THSD7A: variants seen among roughly 807,000 people sequenced by gnomAD.
The protein encoded by THSD7A is thrombospondin type-1 domain-containing protein 7A.
Under a neutral mutation model 231.3 loss-of-function variants are expected in THSD7A, and 96 were observed. The ratio of observed to expected loss-of-function variants is 0.41; its 90% CI spans 0.35 to 0.49. THSD7A has a LOEUF of 0.49. THSD7A is among the 20% of genes least tolerant of loss of function. The pLI is 0.05. For synonymous variants in THSD7A, 940 were observed against 743.3 expected (o/e 1.26, Z -4.30); for missense variants, 2,290 against 2,070.2 (o/e 1.11, Z -2.06).
Position 11,593,491 on chromosome 7 carries a change from T to C in THSD7A, c.1034A>G (p.Gln345Arg). Reference protein sequence around the residue: ...GKAADLSFCQQEKLPMTFQSC... With the variant: ...GKAADLSFCQREKLPMTFQSC... Reference sequence around the variant, plus strand: ...CTGGAAGGTCATTGGAAGCTTCTCTTGCTGGCAAAAGCTGTAAAAGAGCAT... The same window carrying C: ...CTGGAAGGTCATTGGAAGCTTCTCTCGCTGGCAAAAGCTGTAAAAGAGCAT... Residue 345 changes from glutamine (Q) to arginine (R), a missense_variant, in exon 3 of 28, where the codon CAA (glutamine) becomes CGA (arginine). Coordinates refer to ENST00000423059, the MANE Select transcript of THSD7A (RefSeq NM_015204.3). 1 of 1,613,872 alleles carries C rather than the reference T, an allele frequency of 6.2e-7. No individual in the cohort carries two copies. Among genetic ancestry groups the C allele is most frequent in the Non-Finnish European group, 8.5e-7 (1 of 1,179,784 alleles).
intron 1 of THSD7A, among the ~76,000 whole-genome samples, chr7:11,765,106 T>A (rs541982920): frequency 2.6e-4 from 40 of 152,274 alleles, no homozygotes; most frequent in African/African-American, 9.4e-4. Flanking sequence ...TGAAAATTCA[T>A]TTTTGAGAGA....
At chr7:11,654,315 G>C (rs1423541633) in intron 1 of THSD7A, among the ~76,000 whole-genome samples, 4 of 151,988 alleles carry the variant, frequency 2.6e-5, no homozygotes, top group African/African-American at 9.6e-5. Flanking sequence ...TCAATGTTGA[G>C]TATTTCTAAT....
intron 2 of THSD7A, among the ~76,000 whole-genome samples, chr7:11,602,233 G>T (rs1421958754): frequency 1.3e-5 from 2 of 151,956 alleles, no homozygotes; most frequent in South Asian, 2.1e-4. Flanking sequence ...ATTGCATAAA[G>T]AAAAATATGA....
rs374858892 is a variant in THSD7A, at chr7:11,449,633, T to A, written c.2606-2209A>T. On this transcript the variant is annotated intron_variant, in intron 11 of 27. Transcript: ENST00000423059. ...TACAGGGAATAGATAAAAAAGAACA[T>A]CCATATAGTTTAGAAGAACATCATC... 9.2e-5 allele frequency among the ~76,000 whole-genome samples: 14 copies of A among 152,002 alleles called. No individual in the cohort carries two copies. In the East Asian group the frequency reaches 1.6e-3, roughly 17 times the overall value.
chr7:11,486,924 T>G (rs1380691483), intron 6 of THSD7A, among the ~76,000 whole-genome samples: 2 of 152,188 alleles, frequency 1.3e-5, no homozygotes, highest in African/African-American at 4.8e-5. Flanking sequence ...GCATATACTA[T>G]TTAAACTTAT....
At chr7:11,496,555 C>T (rs58749252) in intron 6 of THSD7A, among the ~76,000 whole-genome samples, 14,133 of 152,078 alleles carry the variant, frequency 0.093, 743 homozygotes, top group African/African-American at 0.14. Context: ...GCCAAATTAT[C>T]GTTACAGAGA....
At chr7:11,697,564 C>G (rs1383374604) in intron 1 of THSD7A, among the ~76,000 whole-genome samples, 1 of 151,008 alleles carries the variant, frequency 6.6e-6, no homozygotes, top group African/African-American at 2.4e-5. Flanking sequence ...CATTTTATAT[C>G]AAGACCCAAG....
intron 2 of THSD7A, among the ~76,000 whole-genome samples, chr7:11,628,438 G>C (rs753288346): frequency 1.2e-4 from 18 of 152,064 alleles, no homozygotes; most frequent in Non-Finnish European, 2.4e-4. Context: ...CCTAGACCTG[G>C]TGCATGCCTT....
In THSD7A at chr7:11,412,748, G is replaced by C; in HGVS notation, c.3590C>G (p.Pro1197Arg). The C allele has an allele frequency of 6.2e-7, 1 of 1,613,594 alleles. No homozygotes were observed. Among genetic ancestry groups the C allele is most frequent in the Non-Finnish European group, 8.5e-7 (1 of 1,179,710 alleles). ...RQRSADPIRQ[P>R]ADEGRSCPNA... ...AGGGCAAGATCTTCCTTCATCAGCT[G>C]GTTGTCTGATGGGATCAGCTGACCT... Residue 1197 changes from proline to arginine, a missense_variant, in exon 18 of 28, where the codon CCA becomes CGA. Coordinates refer to ENST00000423059, the MANE Select transcript of THSD7A (RefSeq NM_015204.3).
intron 4 of THSD7A, among the ~76,000 whole-genome samples, chr7:11,559,542 T>A (rs1452873231): frequency 6.6e-6 from 1 of 151,374 alleles, no homozygotes; most frequent in African/African-American, 2.4e-5. Flanking sequence ...TATAAATCCA[T>A]ATATGTATAG....
Position 11,541,469 on chromosome 7 carries a change from T to G in THSD7A, c.1772A>C (p.Glu591Ala). The change falls in exon 6 of 28, where the codon GAG becomes GCG. Residue 591 changes from glutamate (E) to alanine (A), a missense_variant. Physicochemically the swap from Glu to Ala is moderately radical, Grantham distance 107. Transcript: ENST00000423059. The stretch of plus-strand genomic sequence containing the variant: ...TTGAACTTGCGTGCCTGGACCACAC[T>G]CCTTTCCGTTATCTGGCTCGCAGTT... ...LGNCEPDNGK[E>A]CGPGTQVQEV... 6.2e-7 allele frequency: 1 copy of G among 1,613,968 alleles called. No individual in the cohort carries two copies. Among genetic ancestry groups the G allele is most frequent in the South Asian group, 1.1e-5 (1 of 91,084 alleles).
chr7:11,746,583 A>C (rs1417232729), intron 1 of THSD7A, among the ~76,000 whole-genome samples: 1 of 151,852 alleles, frequency 6.6e-6, no homozygotes, highest in Non-Finnish European at 1.5e-5. Flanking sequence ...ATGTTTTCTC[A>C]TGATTAACCT....
At chr7:11,633,855 G>C (rs189042537) in intron 2 of THSD7A, among the ~76,000 whole-genome samples, 92 of 152,228 alleles carry the variant, frequency 6.0e-4, no homozygotes, top group African/African-American at 2.2e-3. Flanking sequence ...AACTTATGCA[G>C]TTACTATAAT....
chr7:11,593,807 GTTTTAACTTA>G (rs1780260099), intron 2 of THSD7A, among the ~76,000 whole-genome samples: 4 of 152,154 alleles, frequency 2.6e-5, no homozygotes, highest in African/African-American at 9.6e-5. Flanking sequence ...TTCCAGACTT[GTTTTAACTTA>G]GAAAATGAGA....
chr7:11,728,106 A>C (rs1329446155), intron 1 of THSD7A, among the ~76,000 whole-genome samples: 2 of 151,978 alleles, frequency 1.3e-5, no homozygotes, highest in Non-Finnish European at 2.9e-5. Flanking sequence ...GTTTTAACCT[A>C]GGCCTGTTGC....
At chr7:11,574,776 T>C (rs542625365) in intron 4 of THSD7A, among the ~76,000 whole-genome samples, 6 of 152,272 alleles carry the variant, frequency 3.9e-5, no homozygotes, top group African/African-American at 1.4e-4. Flanking sequence ...AGTTTTATTG[T>C]CATTAAATAT....
At chr7:11,680,291 G>A (rs1175779708) in intron 1 of THSD7A, among the ~76,000 whole-genome samples, 3 of 152,078 alleles carry the variant, frequency 2.0e-5, no homozygotes, top group Admixed American at 6.6e-5. Flanking sequence ...ATAGGCATGG[G>A]CAAAAACTTC....
intron 11 of THSD7A, among the ~76,000 whole-genome samples, chr7:11,453,549 T>C (rs1405832590): frequency 2.6e-5 from 4 of 151,972 alleles, no homozygotes; most frequent in Non-Finnish European, 5.9e-5. Context: ...CAACAGATGT[T>C]CCTTGGCAGG....
chr7:11,512,140 T>A (rs1787836588), intron 6 of THSD7A, among the ~76,000 whole-genome samples: 1 of 152,126 alleles, frequency 6.6e-6, no homozygotes, highest in South Asian at 2.1e-4. Context: ...GAACAGACAC[T>A]TCTCAAAAGA....
Sources: gnomAD v4.1 joint callset for allele counts (sites outside exome capture counted in the v4.1 genomes callset) on GRCh38, gnomAD v4.1.1 for gene constraint, MANE v1.5 for transcripts, NCBI Gene and HGNC (gene_info 2026-07-23, HGNC 2026-07-21) for gene names.